BAZ2B: variants seen among roughly 807,000 people sequenced by gnomAD.
BAZ2B encodes the protein bromodomain adjacent to zinc finger domain 2B.
A neutral mutation model predicts 246.0 loss-of-function variants in BAZ2B; 91 were observed. The ratio of observed to expected loss-of-function variants is 0.37; its 90% CI spans 0.31 to 0.44. The LOEUF (loss-of-function observed/expected upper bound fraction) is 0.44. Ranked by LOEUF, BAZ2B falls within the 20% of genes least tolerant of loss-of-function variation. The pLI is 1.00. For missense variants in BAZ2B, 2,332 were observed against 2,533.7 expected, an observed-to-expected ratio of 0.92 and a Z score of 1.71; for synonymous variants, 855 against 860.0, an observed-to-expected ratio of 0.99 and a Z score of 0.10.
chr2:159,488,499 T>A (rs1331761570), intron 2 of BAZ2B, among the ~76,000 whole-genome samples: 1 of 152,122 alleles, frequency 6.6e-6, no homozygotes, highest in Admixed American at 6.5e-5. Flanking sequence ...ACATAATATA[T>A]GCCATGTACC....
chr2:159,576,130 G>A (rs921561045), intron 1 of BAZ2B, among the ~76,000 whole-genome samples: 9 of 152,166 alleles, frequency 5.9e-5, no homozygotes, highest in Non-Finnish European at 1.0e-4. Flanking sequence ...CTAAGAATCA[G>A]TAAGGGAAAT....
At chr2:159,576,128 C>A (rs1001818562) in intron 1 of BAZ2B, among the ~76,000 whole-genome samples, 9 of 152,162 alleles carry the variant, frequency 5.9e-5, no homozygotes, top group Non-Finnish European at 1.5e-5. Flanking sequence ...TACTAAGAAT[C>A]AGTAAGGGAA....
At chr2:159,478,775 A>G in intron 2 of BAZ2B, 54 bp from the exon 3 acceptor site, 1 of 1,329,648 alleles carries the variant, frequency 7.5e-7, no homozygotes, top group Non-Finnish European at 9.9e-7. Flanking sequence ...TTTTTTCAAA[A>G]GAATTCAACA....
At chr2:159,513,230 T>C (rs1358722172) in intron 2 of BAZ2B, among the ~76,000 whole-genome samples, 1 of 152,220 alleles carries the variant, frequency 6.6e-6, no homozygotes, top group Non-Finnish European at 1.5e-5. Flanking sequence ...ATAATTTTGT[T>C]CTTTGAAATA....
intron 3 of BAZ2B, chr2:159,461,955 T>C (rs139871103): frequency 1.3e-5 from 2 of 157,502 alleles, no homozygotes; most frequent in Admixed American, 6.3e-5. Context: ...TCCACTTAGC[T>C]ATAGACTGTA....
At chr2:159,585,930 T>C (rs1386937665) in intron 1 of BAZ2B, among the ~76,000 whole-genome samples, 1 of 152,238 alleles carries the variant, frequency 6.6e-6, no homozygotes, top group African/African-American at 2.4e-5. Context: ...CTTAAATAAA[T>C]GACTTTTTTC....
chr2:159,377,737 A>T (rs2061553212), intron 25 of BAZ2B, among the ~76,000 whole-genome samples: 1 of 147,648 alleles, frequency 6.8e-6, no homozygotes, highest in Non-Finnish European at 1.5e-5. Context: ...CGCTTGAACC[A>T]GGAGGCGGAG....
At chr2:159,524,141 C>G (rs1270954972) in intron 2 of BAZ2B, among the ~76,000 whole-genome samples, 1 of 152,178 alleles carries the variant, frequency 6.6e-6, no homozygotes, top group African/African-American at 2.4e-5. Flanking sequence ...TGTGCTCACA[C>G]TGAGATTACA....
chr2:159,331,301 A>G (rs1029872158), intron 34 of BAZ2B, among the ~76,000 whole-genome samples: 1 of 152,218 alleles, frequency 6.6e-6, no homozygotes, highest in East Asian at 1.9e-4. Flanking sequence ...TAAGTTGAGA[A>G]TGAAGATGGA....
At chr2:159,670,182 G>A in the BAZ2B span, among the ~76,000 whole-genome samples, 9 of 152,180 alleles carry the variant, frequency 5.9e-5, no homozygotes, top group South Asian at 2.1e-4. Context: ...TGTTGGCCAC[G>A]CTGGTCTCAA....
the BAZ2B span, among the ~76,000 whole-genome samples, chr2:159,638,211 A>G: frequency 6.6e-6 from 1 of 152,280 alleles, no homozygotes; most frequent in South Asian, 2.1e-4. Context: ...CACAAAAAAC[A>G]CAGCATTATT....
chr2:159,622,339 C>T, the BAZ2B span, among the ~76,000 whole-genome samples: 8 of 142,036 alleles, frequency 5.6e-5, no homozygotes, highest in Middle Eastern at 7.8e-3. Context: ...AAAGGATAAA[C>T]TTGGATCTGC....
chr2:159,552,853 A>G (rs1424450034), intron 2 of BAZ2B, among the ~76,000 whole-genome samples: 2 of 152,206 alleles, frequency 1.3e-5, no homozygotes, highest in East Asian at 3.8e-4. Context: ...AGCATTACCA[A>G]ACTATTAGGA....
At chr2:159,579,302 C>A (rs1015432220) in intron 1 of BAZ2B, among the ~76,000 whole-genome samples, 1 of 152,094 alleles carries the variant, frequency 6.6e-6, no homozygotes, top group African/African-American at 2.4e-5. Context: ...AACACCTCTA[C>A]GCAAATAAAC....
intron 2 of BAZ2B, among the ~76,000 whole-genome samples, chr2:159,501,157 TA>T (rs35919978): frequency 4.3e-5 from 4 of 93,458 alleles, no homozygotes; most frequent in African/African-American, 1.7e-4. Flanking sequence ...ATAATATATA[TA>T]AATATATAAT....
At chr2:159,667,818 T>C in the BAZ2B span, among the ~76,000 whole-genome samples, 1 of 152,088 alleles carries the variant, frequency 6.6e-6, no homozygotes, top group African/African-American at 2.4e-5. Flanking sequence ...GAAATCTGGA[T>C]AGGTTCTCCA....
chr2:159,697,924 C>T, the BAZ2B span, among the ~76,000 whole-genome samples: 1 of 152,106 alleles, frequency 6.6e-6, no homozygotes, highest in Non-Finnish European at 1.5e-5. Context: ...TTTGGAACTA[C>T]TCAGGTTCCA....
the BAZ2B span, among the ~76,000 whole-genome samples, chr2:159,645,279 G>T: frequency 5.3e-4 from 24 of 45,148 alleles, no homozygotes; most frequent in Admixed American, 1.9e-3. Context: ...TCTAAAAAAA[G>T]TTTTTTTTTT....
chr2:159,667,460 G>A, the BAZ2B span, among the ~76,000 whole-genome samples: 11,604 of 151,950 alleles, frequency 0.076, 937 homozygotes, highest in African/African-American at 0.2. Context: ...GCCAGGCATG[G>A]TGGCACATGC....
Sources: gnomAD v4.1 joint callset for allele counts (sites outside exome capture counted in the v4.1 genomes callset) on GRCh38, gnomAD v4.1.1 for gene constraint, MANE v1.5 for transcripts, NCBI Gene and HGNC (gene_info 2026-07-23, HGNC 2026-07-21) for gene names.